PDE1C: variants seen among roughly 807,000 people sequenced by gnomAD.
PDE1C encodes dual specificity calcium/calmodulin-dependent 3',5'-cyclic nucleotide phosphodiesterase 1C.
Under a neutral mutation model 93.1 loss-of-function variants are expected in PDE1C, and 62 were observed. The ratio of observed to expected loss-of-function variants is 0.67; its 90% CI spans 0.54 to 0.82. The LOEUF is 0.82. Among genes scored for constraint, PDE1C ranks in the 40% least tolerant of loss-of-function variants. The pLI, the probability that PDE1C is intolerant of heterozygous loss-of-function variation, is 0.00. For synonymous variants in PDE1C, 325 were observed against 310.1 expected, an observed-to-expected ratio of 1.05 and a Z score of -0.50; for missense variants, 742 against 884.6, an observed-to-expected ratio of 0.84 and a Z score of 2.04.
chr7:32,232,685 G>C (rs1807790182), intron 1 of PDE1C, among the ~76,000 whole-genome samples: 1 of 152,226 alleles, frequency 6.6e-6, no homozygotes, highest in South Asian at 2.1e-4. Context: ...TCATCTGTGA[G>C]CAGCACACAA....
chr7:32,403,655 A>G (rs892202557), intron 1 of PDE1C, among the ~76,000 whole-genome samples: 1 of 152,178 alleles, frequency 6.6e-6, no homozygotes, highest in African/African-American at 2.4e-5. Flanking sequence ...CCCTTCTCCA[A>G]TCATCCTAAA....
intron 2 of PDE1C, among the ~76,000 whole-genome samples, chr7:32,187,528 T>A (rs997755554): frequency 5.3e-5 from 8 of 152,220 alleles, no homozygotes; most frequent in South Asian, 2.1e-4. Context: ...AGAATTATGA[T>A]GGTATTTCAC....
intron 16 of PDE1C, among the ~76,000 whole-genome samples, chr7:31,781,149 G>A (rs1450621014): frequency 2.0e-5 from 3 of 152,198 alleles, no homozygotes; most frequent in African/African-American, 4.8e-5. Context: ...CAGGGTGAAC[G>A]CACACCTAAG....
intron 1 of PDE1C, among the ~76,000 whole-genome samples, chr7:32,400,552 T>A (rs1784922393): frequency 6.6e-6 from 1 of 152,220 alleles, no homozygotes; most frequent in Non-Finnish European, 1.5e-5. Flanking sequence ...CCAGTTTAAT[T>A]TCGTTTAACC....
At chr7:31,812,287 T>C (rs1182834189) in intron 15 of PDE1C, among the ~76,000 whole-genome samples, 1 of 152,158 alleles carries the variant, frequency 6.6e-6, no homozygotes, top group African/African-American at 2.4e-5. Flanking sequence ...GGTTCCTGTT[T>C]TGTTTCTTTC....
At chr7:31,899,132 C>CT (rs386409838) in intron 2 of PDE1C, among the ~76,000 whole-genome samples, 2,501 of 84,838 alleles carry the variant, frequency 0.029, 122 homozygotes, top group African/African-American at 0.074. Flanking sequence ...GGCAGTCCCA[C>CT]TTTTTTTTTT....
intron 2 of PDE1C, among the ~76,000 whole-genome samples, chr7:31,934,917 A>G (rs1339273170): frequency 2.0e-5 from 3 of 152,324 alleles, no homozygotes; most frequent in African/African-American, 7.2e-5. Context: ...TTACAATTTC[A>G]TGGGGAGAAA....
chr7:31,830,353 G>C (rs917344571), intron 11 of PDE1C, among the ~76,000 whole-genome samples: 1 of 152,038 alleles, frequency 6.6e-6, no homozygotes, highest in Non-Finnish European at 1.5e-5. Context: ...TTTCAAAAGA[G>C]GGCAAAAGTC....
chr7:32,179,871 A>T (rs1803273183), intron 2 of PDE1C, among the ~76,000 whole-genome samples: 2 of 152,224 alleles, frequency 1.3e-5, no homozygotes, highest in South Asian at 4.1e-4. Context: ...AGTCCTGAGA[A>T]GCACAGGGAA....
intron 3 of PDE1C, among the ~76,000 whole-genome samples, chr7:32,113,021 G>T (rs1159177675): frequency 6.7e-6 from 1 of 149,390 alleles, no homozygotes; most frequent in African/African-American, 2.5e-5. Flanking sequence ...TGGCAATGAG[G>T]TAAGTATAGC....
the PDE1C span, among the ~76,000 whole-genome samples, chr7:31,664,908 G>A: frequency 6.6e-6 from 1 of 152,176 alleles, no homozygotes; most frequent in Non-Finnish European, 1.5e-5. Flanking sequence ...AACAGCCAGA[G>A]TGGCCTTTTA....
chr7:31,715,028 C>A, the PDE1C span, among the ~76,000 whole-genome samples: 153 of 152,246 alleles, frequency 1.0e-3, 1 homozygote, highest in African/African-American at 3.6e-3. Flanking sequence ...TATGTTCTCA[C>A]CCAACTGGTT....
At chr7:32,052,937 AT>A (rs1354650179) in intron 1 of PDE1C, among the ~76,000 whole-genome samples, 3 of 152,244 alleles carry the variant, frequency 2.0e-5, no homozygotes, top group Non-Finnish European at 2.9e-5. Flanking sequence ...AGTGAGCATT[AT>A]AACAGAAAAA....
chr7:31,731,812 T>C, the PDE1C span, among the ~76,000 whole-genome samples: 3 of 152,204 alleles, frequency 2.0e-5, no homozygotes, highest in Non-Finnish European at 4.4e-5. Flanking sequence ...GCCCATATTC[T>C]GGCAGAGGGA....
downstream of PDE1C, among the ~76,000 whole-genome samples, chr7:31,747,942 T>C (rs1794041095): frequency 6.6e-6 from 1 of 152,064 alleles, no homozygotes; most frequent in South Asian, 2.1e-4. Context: ...AAACTGTGCT[T>C]ACATTTTAGC....
chr7:31,793,795 T>C (rs1466333802), intron 16 of PDE1C, among the ~76,000 whole-genome samples: 2 of 151,880 alleles, frequency 1.3e-5, no homozygotes, highest in Non-Finnish European at 2.9e-5. Context: ...ACAGCTATTT[T>C]AAAGCGTTAT....
intron 2 of PDE1C, among the ~76,000 whole-genome samples, chr7:31,917,889 G>A (rs139454907): frequency 6.6e-6 from 1 of 152,206 alleles, no homozygotes; most frequent in East Asian, 1.9e-4. Context: ...ATATTGAATA[G>A]TTTAGATTCA....
the PDE1C span, among the ~76,000 whole-genome samples, chr7:31,693,502 C>A: frequency 2.6e-5 from 4 of 152,150 alleles, no homozygotes; most frequent in African/African-American, 9.7e-5. Context: ...CAGCAGTGTA[C>A]CCCTCAGCTT....
At chr7:32,350,588 A>ATTT (rs1783950505) in intron 1 of PDE1C, among the ~76,000 whole-genome samples, 2 of 2,692 alleles carry the variant, frequency 7.4e-4, no homozygotes, top group African/African-American at 1.6e-3. Flanking sequence ...ATATATATAT[A>ATTT]TATTTTTTTT....
Sources: gnomAD v4.1 joint callset for allele counts (sites outside exome capture counted in the v4.1 genomes callset) on GRCh38, gnomAD v4.1.1 for gene constraint, MANE v1.5 for transcripts, NCBI Gene and HGNC (gene_info 2026-07-23, HGNC 2026-07-21) for gene names.